The following PWWP3A variants were observed in gnomAD, a reference collection of about 807,000 sequenced individuals.
PWWP3A encodes PWWP domain containing 3A, DNA repair factor.
PWWP3A carries 53 observed loss-of-function variants against 79.0 expected under a neutral mutation model. That is an observed-to-expected ratio of 0.67 (90% confidence interval 0.54 to 0.84). The LOEUF is 0.84. Among genes scored for constraint, PWWP3A ranks in the 40% least tolerant of loss-of-function variants. PWWP3A has a pLI of 0.00. For synonymous variants in PWWP3A, 443 were observed against 394.4 expected (o/e 1.12, Z -1.46); for missense variants, 973 against 948.0 (o/e 1.03, Z -0.35).
rs1224290093 is a variant in PWWP3A, at chr19:1,366,178, TTCGCTGGGG to T, written c.1285-124_1285-116del. 10 of 803,412 alleles carry T rather than the reference TTCGCTGGGG, an allele frequency of 1.2e-5. No individual in the cohort carries two copies. In the African/African-American group the frequency reaches 1.4e-4, roughly 11 times the overall value. The allele number at this position is 803,412 out of a possible 1,614,324, so 49.8% of individuals were successfully genotyped here. On this transcript the variant is annotated intron_variant, in intron 7 of 13. Coordinates refer to ENST00000591337, the MANE Select transcript of PWWP3A (RefSeq NM_001369789.1). ...TTCTCAGCGCCTCCTTGCGGGAGAC[TTCGCTGGGG>T]TCACCCCCAGAGCTGGGGTCAGCGC...
In PWWP3A at chr19:1,376,303, T is replaced by TG. The variant is rs1463236709; in HGVS notation, c.2076-216_2076-215insG. On this transcript the variant is annotated intron_variant, in intron 13 of 13. Transcript: ENST00000591337. ...ACCACGCCCGGCTGTTTGTTTTTTT[T>TG]TTTGTTTGTTTTTTTTTTTTTTTGG... 9.3e-4 allele frequency among the ~76,000 whole-genome samples: 90 copies of TG among 96,904 alleles called. 5 individuals carry two copies. The highest frequency in any genetic ancestry group is 1.9e-3 in the Admixed American group (19 of 10,016). The allele number at this position is 96,904 out of a possible 152,430, so 63.6% of individuals were successfully genotyped here.
chr19:1,360,949 C>G lies in PWWP3A; in HGVS notation c.1028C>G (p.Ala343Gly). The G allele has an allele frequency of 1.3e-6, 2 of 1,489,020 alleles. No individual in the cohort carries two copies. The highest frequency in any genetic ancestry group is 1.8e-6 in the Non-Finnish European group (2 of 1,119,192). The allele number at this position is 1,489,020 out of a possible 1,614,324, so 92.2% of individuals were successfully genotyped here. A position where few individuals can be genotyped will look rare whatever the true frequency, so the allele number is the denominator to read the frequency against. Residue 343 changes from alanine (A) to glycine (G), a missense_variant, in exon 5 of 14, where the codon GCC becomes GGC. Transcript: ENST00000591337. This position sits in a 1 kb window ranked among gnomAD's most constrained non-coding sequence, Gnocchi z 4.4. ...GAGTCTGTGACCCCGCGCAGCACCGCCAGGCTGGGCCCGCCTCCCTCCCAC... is the reference window on the plus strand; with the variant it reads ...GAGTCTGTGACCCCGCGCAGCACCGGCAGGCTGGGCCCGCCTCCCTCCCAC... ...PRESVTPRST[A>G]RLGPPPSHAS...
chr19:1,356,574 T>C, intron 2 of PWWP3A, 125 bp downstream of exon 2: 5 of 849,804 alleles, frequency 5.9e-6, no homozygotes, highest in Non-Finnish European at 9.3e-6. Context: ...CGGTTGGCAC[T>C]GATTCTCGTT....
chr19:1,360,060 G>A lies in PWWP3A; in HGVS notation c.215-76G>A. The A allele has an allele frequency of 7.1e-7, 1 of 1,412,530 alleles. No individual in the cohort carries two copies. Among genetic ancestry groups the A allele is most frequent in the Non-Finnish European group, 9.4e-7 (1 of 1,069,152 alleles). 87.5% of individuals were successfully genotyped at this position (1,412,530 alleles called of 1,614,324 possible). A position where few individuals can be genotyped will look rare whatever the true frequency, so the allele number is the denominator to read the frequency against. On this transcript the variant is annotated intron_variant, in intron 4 of 13. Coordinates refer to ENST00000591337, the MANE Select transcript of PWWP3A (RefSeq NM_001369789.1). This position sits in a 1 kb window ranked among gnomAD's most constrained non-coding sequence, Gnocchi z 4.4. ...CTAGCCGTCAGAATGAGACAAGCGA[G>A]CTTCTAAAGCGATGCCGTGACCGCA...
At chr19:1,376,295 G>GTTTTTTTTTGTTTTT (rs2082393950) in intron 13 of PWWP3A, among the ~76,000 whole-genome samples, 1 of 67,048 alleles carries the variant, frequency 1.5e-5, no homozygotes, top group African/African-American at 5.6e-5. Context: ...CCGGCTGTTT[G>GTTTTTTTTTGTTTTT]TTTTTTTTTT....
At chr19:1,367,790 A>G (rs192379971) in intron 9 of PWWP3A, among the ~76,000 whole-genome samples, 50 of 152,194 alleles carry the variant, frequency 3.3e-4, no homozygotes, top group African/African-American at 8.4e-4. Flanking sequence ...AGAAATGTCT[A>G]TTTCCCCTCT....
At chr19:1,367,289 T>G in intron 9 of PWWP3A, 69 bp downstream of exon 9, 1 of 1,331,304 alleles carries the variant, frequency 7.5e-7, no homozygotes, top group Non-Finnish European at 1.1e-6. Flanking sequence ...GTCCTCTGTG[T>G]GTAGCTCTTG....
At chr19:1,372,957 C>A in intron 12 of PWWP3A, 115 bp from the exon 13 acceptor site, 1 of 754,696 alleles carries the variant, frequency 1.3e-6, no homozygotes, top group Non-Finnish European at 2.3e-6. Context: ...TGAGCTAGAC[C>A]ATGTCTGGAG....
At chr19:1,374,447 C>G (rs1343672357) in intron 13 of PWWP3A, 6 of 152,208 alleles carry the variant, frequency 3.9e-5, no homozygotes, top group South Asian at 4.1e-4. Context: ...GACCCAGTCT[C>G]CCCGCCGCAC....
In PWWP3A at chr19:1,371,047, T is replaced by G; in HGVS notation, c.1955T>G (p.Ile652Ser). Residue 652 changes from isoleucine to serine, a missense_variant, in exon 12 of 14, where the codon ATC (isoleucine) becomes AGC (serine). Transcript: ENST00000591337. ...CTCCAGCGCACCAACGGCGACCGGA[T>G]CCGGTTCATTCTGGACGTGCTTCTG... ...KVLQRTNGDR[I>S]RFILDVLLPE... 5.1e-6 allele frequency: 8 copies of G among 1,571,054 alleles called. No homozygotes were observed. Among genetic ancestry groups the G allele is most frequent in the Non-Finnish European group, 6.9e-6 (8 of 1,157,908 alleles).
rs546045511 is a variant in PWWP3A at position 1,361,035 on chromosome 19, A to G, written c.1111+3A>G. The G allele has an allele frequency of 1.4e-6, 2 of 1,425,774 alleles. No homozygotes were observed. The highest frequency in any genetic ancestry group is 1.5e-5 in the African/African-American group (1 of 67,636). The allele number at this position is 1,425,774 out of a possible 1,614,324, so 88.3% of individuals were successfully genotyped here. ...GGATTCCCAGAAGCTGGAGAAAGGTAAAAGTTTCTCGTGGAGGAGGAGAGC... is the reference window on the plus strand; with the variant it reads ...GGATTCCCAGAAGCTGGAGAAAGGTGAAAGTTTCTCGTGGAGGAGGAGAGC... On this transcript the variant is annotated splice_donor_region_variant and intron_variant, in intron 5 of 13. Transcript: ENST00000591337.
intron 11 of PWWP3A, among the ~76,000 whole-genome samples, chr19:1,370,343 T>C (rs1391258207): frequency 6.6e-6 from 1 of 152,168 alleles, no homozygotes; most frequent in Non-Finnish European, 1.5e-5. Context: ...TCCTGGTTGG[T>C]GGAGGAGTGG....
At chr19:1,364,482 T>A (rs12979259) in intron 6 of PWWP3A, 27 bp from the exon 7 acceptor site, 2 of 1,553,674 alleles carry the variant, frequency 1.3e-6, no homozygotes, top group South Asian at 2.4e-5. Flanking sequence ...TCTTTTTTTT[T>A]TGTTTTTCTT....
At chr19:1,356,565 G>A (rs1025060667) in intron 2 of PWWP3A, 116 bp downstream of exon 2, 3 of 958,242 alleles carry the variant, frequency 3.1e-6, no homozygotes, top group Non-Finnish European at 4.8e-6. Context: ...GCCAGAACAC[G>A]GTTGGCACTG....
At chr19:1,376,297 T>TTTG (rs2082394958) in intron 13 of PWWP3A, among the ~76,000 whole-genome samples, 1 of 89,290 alleles carries the variant, frequency 1.1e-5, no homozygotes, top group African/African-American at 6.2e-5. Flanking sequence ...GGCTGTTTGT[T>TTTG]TTTTTTTTTG....
intron 13 of PWWP3A, among the ~76,000 whole-genome samples, chr19:1,375,536 T>TA (rs1568965316): frequency 1.9e-4 from 18 of 97,192 alleles, no homozygotes; most frequent in African/African-American, 8.4e-4. Context: ...AATTTATATA[T>TA]TTTATATATA....
At chr19:1,375,501 T>TATA (rs2082349475) in intron 13 of PWWP3A, among the ~76,000 whole-genome samples, 2 of 25,786 alleles carry the variant, frequency 7.8e-5, no homozygotes, top group Non-Finnish European at 1.5e-4. Flanking sequence ...TATATAAATT[T>TATA]TATATATAAT....
chr19:1,356,798 A>C (rs533025912), intron 2 of PWWP3A, among the ~76,000 whole-genome samples: 3 of 152,338 alleles, frequency 2.0e-5, no homozygotes, highest in African/African-American at 7.2e-5. Context: ...GCTCAGCTGC[A>C]ATGCAAAAGC....
At position 1,376,527 on chromosome 19, in the gene PWWP3A, A is replaced by T; in HGVS notation, c.2084A>T (p.Glu695Val). The T allele has an allele frequency of 6.2e-7, 1 of 1,613,424 alleles. No homozygotes were observed. The highest frequency in any genetic ancestry group is 8.5e-7 in the Non-Finnish European group (1 of 1,179,774). The change falls in exon 14 of 14, where the codon GAA (glutamate) becomes GTA (valine). Residue 695 changes from glutamate (E) to valine (V), a missense_variant. Glu to Val is a moderately radical substitution (Grantham distance 121). Transcript: ENST00000591337. ...KGPSLSYREK[E>V]IFDNQLLEER... The stretch of plus-strand genomic sequence containing the variant: ...ACTCTTGTTTTCTGAAGGGAAAAAG[A>T]AATATTTGACAACCAGCTCCTTGAA...
Sources: gnomAD v4.1 joint callset for allele counts (sites outside exome capture counted in the v4.1 genomes callset) on GRCh38, gnomAD v4.1.1 for gene constraint, Gnocchi (gnomAD v3.1) non-coding constraint, MANE v1.5 for transcripts, NCBI Gene and HGNC (gene_info 2026-07-23, HGNC 2026-07-21) for gene names.